The following FBN2 variants were observed in gnomAD, a reference collection of about 807,000 sequenced individuals.
FBN2 encodes fibrillin 2.
FBN2 carries 105 observed loss-of-function variants against 355.6 expected under a neutral mutation model. That is an observed-to-expected ratio of 0.30 (90% CI 0.25 to 0.35). The LOEUF is 0.35. Ranked by LOEUF, FBN2 falls within the 10% of genes least tolerant of loss-of-function variation. FBN2 has a pLI of 1.00. For missense variants in FBN2, 3,280 were observed against 3,758.7 expected, an observed-to-expected ratio of 0.87 and a Z score of 3.33; for synonymous variants, 1,350 against 1,301.2, an observed-to-expected ratio of 1.04 and a Z score of -0.81.
At chr5:128,438,597 G>A (rs1753836127) in intron 7 of FBN2, among the ~76,000 whole-genome samples, 3 of 152,072 alleles carry the variant, frequency 2.0e-5, no homozygotes, top group African/African-American at 7.2e-5. Context: ...TGTCTACTTG[G>A]CAGCACATAA....
intron 15 of FBN2, among the ~76,000 whole-genome samples, chr5:128,371,605 C>G (rs962433763): frequency 1.1e-4 from 16 of 148,892 alleles, no homozygotes; most frequent in African/African-American, 3.9e-4. Flanking sequence ...ATGATCTTGA[C>G]TCACTACAAC....
Position 128,289,231 on chromosome 5 carries a change from C to G in FBN2, c.6533G>C (p.Ser2178Thr). 1 of 1,613,850 alleles carries G rather than the reference C, an allele frequency of 6.2e-7. No homozygotes were observed. The highest frequency in any genetic ancestry group is 2.2e-5 in the East Asian group (1 of 44,880). Residue 2178 changes from serine (S) to threonine (T), a missense_variant, in exon 52 of 65, where the codon AGC (serine) becomes ACC (threonine). This residue lies in a region of FBN2 where 2,284 missense variants were observed against 2,749.5 expected (regional missense o/e 0.83). Coordinates refer to ENST00000262464, the MANE Select transcript of FBN2 (RefSeq NM_001999.4). The stretch of plus-strand genomic sequence containing the variant: ...TTGACCATTTGAACAAATGCCTGGG[C>G]TCTCAAGACACTCATTGACATCTAA... The part of the protein sequence containing the change: ...TREDVNECLE[S>T]PGICSNGQCI...
intron 7 of FBN2, among the ~76,000 whole-genome samples, chr5:128,423,365 A>G (rs1753402653): frequency 1.3e-5 from 2 of 152,174 alleles, no homozygotes; most frequent in Non-Finnish European, 2.9e-5. Context: ...TTACGGCAGA[A>G]GACAAAGGAG....
chr5:128,487,980 T>C (rs528267078), intron 5 of FBN2, among the ~76,000 whole-genome samples: 2 of 152,178 alleles, frequency 1.3e-5, no homozygotes, highest in Non-Finnish European at 2.9e-5. Flanking sequence ...GAATGTAGAC[T>C]TAAATTTAGC....
Position 128,336,047 on chromosome 5 carries a change from G to A in FBN2, c.3665C>T (p.Thr1222Ile). Residue 1222 changes from threonine (T) to isoleucine (I), a missense_variant, in exon 28 of 65, where the codon ACC (threonine) becomes ATC (isoleucine). Transcript: ENST00000262464. Reference protein sequence around the residue: ...RNGKCVNMIGTYQCSCNPGYQ... With the variant: ...RNGKCVNMIGIYQCSCNPGYQ... ...TCCAGGATTGCAAGAGCACTGATAG[G>A]TTCCAATCATGTTCACACATTTTCC... 6.2e-7 allele frequency: 1 copy of A among 1,613,824 alleles called. No homozygotes were observed. Among genetic ancestry groups the A allele is most frequent in the Non-Finnish European group, 8.5e-7 (1 of 1,179,730 alleles).
At position 128,258,044 on chromosome 5, in the gene FBN2, T is replaced by C. The variant is rs1251682086; in HGVS notation, c.*1411A>G. 1.3e-5 allele frequency: 2 copies of C among 152,548 alleles called. No individual in the cohort carries two copies. The highest frequency in any genetic ancestry group is 2.9e-5 in the Non-Finnish European group (2 of 68,040). The allele number at this position is 152,548 out of a possible 1,614,324, so 9.4% of individuals were successfully genotyped here. A position where few individuals can be genotyped will look rare whatever the true frequency, so the allele number is the denominator to read the frequency against. On this transcript the variant is annotated 3_prime_UTR_variant, in exon 65 of 65. Coordinates refer to ENST00000262464, the MANE Select transcript of FBN2 (RefSeq NM_001999.4). ...AATTTACACTGTTCCTTTTTTCTTT[T>C]TAGTTATTAAAAAAACAATAAAACC...
chr5:128,480,315 A>T (rs970240937), intron 5 of FBN2, among the ~76,000 whole-genome samples: 1 of 151,654 alleles, frequency 6.6e-6, no homozygotes, highest in Non-Finnish European at 1.5e-5. Flanking sequence ...CATTATAGAC[A>T]TATGCACTTA....
rs182648514 is a variant in FBN2, at chr5:128,323,455, T to G, written c.4472-4454A>C. ...CCATCTATATCAAGTTTATTGAGAG[T>G]TTTTAGCATGAAGGGGTGTTGAATT... On this transcript the variant is annotated intron_variant, in intron 34 of 64. Coordinates refer to ENST00000262464, the MANE Select transcript of FBN2 (RefSeq NM_001999.4). Among the ~76,000 whole-genome samples, 335 of 152,150 alleles carry G rather than the reference T, an allele frequency of 2.2e-3. 1 individual carries two copies. Among genetic ancestry groups the G allele is most frequent in the African/African-American group, 7.7e-3 (318 of 41,496 alleles).
At chr5:128,292,946 T>A (rs1450257759) in intron 48 of FBN2, among the ~76,000 whole-genome samples, 1 of 152,174 alleles carries the variant, frequency 6.6e-6, no homozygotes, top group Non-Finnish European at 1.5e-5. Flanking sequence ...TATAAGGATG[T>A]CTTCACAAAA....
chr5:128,332,921 T>G lies in FBN2; in HGVS notation c.4213A>C (p.Lys1405Gln), dbSNP rs767423210. The change falls in exon 32 of 65, where the codon AAG becomes CAG. Residue 1405 changes from lysine to glutamine, a missense_variant. Physicochemically the swap from Lys to Gln is moderately conservative, Grantham distance 53 (BLOSUM62 1). Transcript: ENST00000262464. ...CREGWIGNGI[K>Q]CIDLDECSNG... is the part of the protein sequence containing the mutation. ...ACATTTGCAAACTCACCAATACACT[T>G]GATGCCGTTTCCAATCCAGCCTTCT... is the stretch of plus-strand genomic sequence containing the variant. 2.5e-6 allele frequency: 4 copies of G among 1,613,944 alleles called. No homozygotes were observed. The highest frequency in any genetic ancestry group is 2.2e-5 in the South Asian group (2 of 91,078).
In FBN2 at chr5:128,309,360, G is replaced by A. The variant is rs770171129; in HGVS notation, c.5240C>T (p.Thr1747Ile). Residue 1747 changes from threonine to isoleucine, a missense_variant, in exon 41 of 65, where the codon ACC becomes ATC. Thr to Ile is a moderately conservative substitution (Grantham distance 89). This residue lies in a region of FBN2 where 2,284 missense variants were observed against 2,749.5 expected (regional missense o/e 0.83). Coordinates refer to ENST00000262464, the MANE Select transcript of FBN2 (RefSeq NM_001999.4). ...GAAAGGCAACTCATTCTCACAAGTGGTTCCATTATAGCTTCGGTAGCAAAA... is the reference window on the plus strand; with the variant it reads ...GAAAGGCAACTCATTCTCACAAGTGATTCCATTATAGCTTCGGTAGCAAAA... ...KSFCYRSYNG[T>I]TCENELPFNV... The A allele has an allele frequency of 1.2e-6, 2 of 1,613,934 alleles. No individual in the cohort carries two copies. The highest frequency in any genetic ancestry group is 1.7e-6 in the Non-Finnish European group (2 of 1,179,882).
intron 16 of FBN2, 34 bp downstream of exon 16, chr5:128,369,148 C>A: frequency 1.2e-6 from 2 of 1,610,782 alleles, no homozygotes; most frequent in Non-Finnish European, 1.7e-6. Context: ...TTTCTTGATT[C>A]TTTATCAACT....
chr5:128,434,723 T>C (rs1432089066), intron 7 of FBN2, among the ~76,000 whole-genome samples: 1 of 152,040 alleles, frequency 6.6e-6, no homozygotes, highest in African/African-American at 2.4e-5. Context: ...TTATTGTTTT[T>C]TCATTCTACT....
At chr5:128,531,778 G>T (rs1209564143) in intron 2 of FBN2, among the ~76,000 whole-genome samples, 1 of 150,060 alleles carries the variant, frequency 6.7e-6, no homozygotes, top group Non-Finnish European at 1.5e-5. Flanking sequence ...AGGTCTAAAA[G>T]AACTTTCACC....
chr5:128,394,999 T>C (rs2126981239), intron 9 of FBN2, 123 bp downstream of exon 9: 1 of 1,069,830 alleles, frequency 9.3e-7, no homozygotes, highest in East Asian at 2.4e-5. Flanking sequence ...TTGCCCAGGC[T>C]GGTTTTGAAC....
At chr5:128,300,686 T>G in intron 48 of FBN2, 131 bp downstream of exon 48, 1 of 902,872 alleles carries the variant, frequency 1.1e-6, no homozygotes, top group South Asian at 1.3e-5. Context: ...AAAACAGATG[T>G]AGGCAGCTAT....
intron 23 of FBN2, among the ~76,000 whole-genome samples, chr5:128,347,087 G>A (rs1751203098): frequency 1.3e-5 from 2 of 152,324 alleles, no homozygotes; most frequent in East Asian, 1.9e-4. Context: ...ATCTTCTCAA[G>A]ATGTGAAAGT....
chr5:128,423,251 T>C (rs1263757929), intron 7 of FBN2, among the ~76,000 whole-genome samples: 2 of 152,140 alleles, frequency 1.3e-5, no homozygotes, highest in East Asian at 3.9e-4. Flanking sequence ...GGTGTATTAG[T>C]CCGTTCTCAC....
intron 40 of FBN2, 79 bp from the exon 41 acceptor site, chr5:128,309,478 C>T: frequency 1.6e-6 from 2 of 1,253,302 alleles, no homozygotes. Flanking sequence ...CTGTAGACAT[C>T]AAGCTTTCCT....
Sources: allele counts gnomAD v4.1 joint callset (sites outside exome capture counted in the v4.1 genomes callset), GRCh38; gene constraint gnomAD v4.1.1; regional missense constraint gnomAD v4.1.1; transcripts MANE v1.5; gene names NCBI Gene and HGNC (gene_info 2026-07-23, HGNC 2026-07-21).